The following SETX variants were observed in gnomAD, a reference collection of about 807,000 sequenced individuals.
SETX encodes senataxin.
SETX carries 90 observed loss-of-function variants against 227.2 expected under a neutral mutation model. That is an observed-to-expected ratio of 0.40 (90% CI 0.33 to 0.47). SETX has a LOEUF of 0.47. Among genes scored for constraint, SETX ranks in the 20% least tolerant of loss-of-function variants. The pLI is 0.91. For synonymous variants in SETX, 1,210 were observed against 1,113.2 expected (o/e 1.09, Z -1.73); for missense variants, 3,052 against 3,181.5 (o/e 0.96, Z 0.98).
chr9:132,284,481 ATCAGTTACTATTACCC>A (rs1226665128), intron 18 of SETX, among the ~76,000 whole-genome samples: 1 of 152,190 alleles, frequency 6.6e-6, no homozygotes, highest in Non-Finnish European at 1.5e-5. Context: ...TACTAACGTC[ATCAGTTACTATTACCC>A]TCTTTCCCTG....
chr9:132,301,344 C>T (rs1159476193), intron 11 of SETX, among the ~76,000 whole-genome samples: 1 of 152,062 alleles, frequency 6.6e-6, no homozygotes, highest in East Asian at 1.9e-4. Context: ...GCCTCAGCCT[C>T]CCAAAGTGCT....
chr9:132,314,292 A>G (rs1299575750), intron 10 of SETX, among the ~76,000 whole-genome samples: 1 of 152,020 alleles, frequency 6.6e-6, no homozygotes, highest in Non-Finnish European at 1.5e-5. Context: ...GAGTTTCTCC[A>G]TGGTCAGGCT....
At chr9:132,272,793 C>T (rs1347084699) in intron 23 of SETX, among the ~76,000 whole-genome samples, 1 of 152,200 alleles carries the variant, frequency 6.6e-6, no homozygotes, top group Admixed American at 6.5e-5. Flanking sequence ...CAAAGTTCAT[C>T]CATGTTGTAG....
Position 132,327,015 on chromosome 9 carries a change from G to GT in SETX, c.4582dup (p.Thr1528AsnfsTer3). The GT allele has an allele frequency of 6.2e-7, 1 of 1,614,112 alleles. No homozygotes were observed. Among genetic ancestry groups the GT allele is most frequent in the Non-Finnish European group, 8.5e-7 (1 of 1,180,016 alleles). On this transcript the variant is annotated frameshift_variant, in exon 10 of 26. Coordinates refer to ENST00000224140, the MANE Select transcript of SETX (RefSeq NM_015046.7). LOFTEE classifies it high-confidence loss of function. ...TACAGAATCTTCTTCAACCTCAACT[G>GT]TATCTTTTCCATGAATTAGTTCAAT... is the stretch of plus-strand genomic sequence containing the variant.
rs1336373691 is a variant in SETX at position 132,273,308 on chromosome 9, G to A, written c.7101-1500C>T. 3.9e-5 allele frequency among the ~76,000 whole-genome samples: 6 copies of A among 152,062 alleles called. No homozygotes were observed. In the East Asian group the frequency reaches 5.8e-4, roughly 15 times the overall value. On this transcript the variant is annotated intron_variant, in intron 23 of 25. Coordinates refer to ENST00000224140, the MANE Select transcript of SETX (RefSeq NM_015046.7). ...CTCCAGAGTAGTTGGGATTACAGGC[G>A]TGTGCCACCATGCCCAACTGATTTT...
Position 132,346,447 on chromosome 9 carries a change from G to T in SETX, c.202C>A (p.Arg68Ser). The T allele has an allele frequency of 6.2e-7, 1 of 1,612,134 alleles. No homozygotes were observed. The highest frequency in any genetic ancestry group is 8.5e-7 in the Non-Finnish European group (1 of 1,178,728). The change falls in exon 4 of 26, where the codon CGT becomes AGT. Residue 68 changes from arginine to serine, a missense_variant. Physicochemically the swap from Arg to Ser is moderately radical, Grantham distance 110. Coordinates refer to ENST00000224140, the MANE Select transcript of SETX (RefSeq NM_015046.7). ...HEVLWELETL[R>S]LINHFEKSMK... ...GATTTTTCAAAGTGATTTATGAGACGTAAGGTTTCTAATTCCCATAAAACC... is the reference window on the plus strand; with the variant it reads ...GATTTTTCAAAGTGATTTATGAGACTTAAGGTTTCTAATTCCCATAAAACC...
At chr9:132,278,429 C>T (rs1843295540) in intron 20 of SETX, among the ~76,000 whole-genome samples, 172 bp from the exon 21 acceptor site, 1 of 141,822 alleles carries the variant, frequency 7.1e-6, no homozygotes, top group African/African-American at 2.5e-5. Flanking sequence ...CCTCAAAATG[C>T]CATGAATCTT....
chr9:132,338,603 A>G (rs373887733), intron 5 of SETX, among the ~76,000 whole-genome samples: 14 of 152,218 alleles, frequency 9.2e-5, no homozygotes, highest in Non-Finnish European at 1.5e-4. Flanking sequence ...ATAAAATGGT[A>G]TATCATTGTG....
rs188265659 is a variant in SETX, at chr9:132,325,239, T to C, written c.5274+1085A>G. ...GCCGTGGTGGCGAGAGCCTATAGTCTCAGCTACTCGGGAGGCTGAGGCAGG... is the reference window on the plus strand; with the variant it reads ...GCCGTGGTGGCGAGAGCCTATAGTCCCAGCTACTCGGGAGGCTGAGGCAGG... On this transcript the variant is annotated intron_variant, in intron 10 of 25. Transcript: ENST00000224140. Among the ~76,000 whole-genome samples, 8 of 151,978 alleles carry C rather than the reference T, an allele frequency of 5.3e-5. No individual in the cohort carries two copies. In the East Asian group the frequency reaches 1.4e-3, roughly 26 times the overall value.
intron 14 of SETX, among the ~76,000 whole-genome samples, chr9:132,296,522 C>T (rs1358083619): frequency 6.6e-6 from 1 of 151,414 alleles, no homozygotes; most frequent in East Asian, 1.9e-4. Flanking sequence ...AAGATCGTGC[C>T]ACTGTACCCT....
At chr9:132,283,613 C>A (rs1843665171) in intron 18 of SETX, among the ~76,000 whole-genome samples, 200 bp from the exon 19 acceptor site, 1 of 152,152 alleles carries the variant, frequency 6.6e-6, no homozygotes, top group African/African-American at 2.4e-5. Flanking sequence ...AGAATGTGTG[C>A]TTCGCGGCTG....
At chr9:132,352,225 A>C (rs1000551415) in intron 2 of SETX, among the ~76,000 whole-genome samples, 1 of 152,200 alleles carries the variant, frequency 6.6e-6, no homozygotes, top group Non-Finnish European at 1.5e-5. Flanking sequence ...AGCATATGAA[A>C]ATGCTGCCCA....
intron 5 of SETX, among the ~76,000 whole-genome samples, chr9:132,341,530 C>T (rs1237827333): frequency 2.6e-5 from 4 of 152,168 alleles, no homozygotes; most frequent in South Asian, 2.1e-4. Flanking sequence ...ACTAGGTCTA[C>T]TATCAGCAGC....
At chr9:132,308,376 A>G (rs558485528) in intron 11 of SETX, among the ~76,000 whole-genome samples, 40 of 151,822 alleles carry the variant, frequency 2.6e-4, no homozygotes, top group African/African-American at 9.7e-4. Context: ...AGGGGATGCA[A>G]TATCAGCAAA....
intron 23 of SETX, among the ~76,000 whole-genome samples, chr9:132,273,918 C>T (rs1843020676): frequency 6.6e-6 from 1 of 151,618 alleles, no homozygotes; most frequent in Admixed American, 6.6e-5. Flanking sequence ...ATAACGTTAG[C>T]TATGAGTTTT....
intron 19 of SETX, chr9:132,282,899 T>C: frequency 3.1e-6 from 1 of 321,160 alleles, no homozygotes; most frequent in Non-Finnish European, 6.1e-6. Flanking sequence ...GCTCAAAGAG[T>C]GAACTAGGAA....
intron 19 of SETX, chr9:132,283,000 G>A (rs1281630154): frequency 1.0e-5 from 5 of 497,740 alleles, no homozygotes; most frequent in South Asian, 6.2e-5. Flanking sequence ...ATTCTAAGCA[G>A]GAGTGAGACA....
chr9:132,345,627 C>G (rs1848244197), intron 4 of SETX, among the ~76,000 whole-genome samples: 1 of 152,102 alleles, frequency 6.6e-6, no homozygotes, highest in South Asian at 2.1e-4. Flanking sequence ...CGTAATAAAG[C>G]AAATATAGCA....
intron 20 of SETX, among the ~76,000 whole-genome samples, 180 bp from the exon 21 acceptor site, chr9:132,278,437 CTTTTTTTTTTTTT>C (rs67558000): frequency 5.7e-4 from 48 of 84,870 alleles, no homozygotes; most frequent in Non-Finnish European, 9.2e-4. Context: ...TGCCATGAAT[CTTTTTTTTTTTTT>C]TTTTTTTTTT....
Sources: allele counts gnomAD v4.1 joint callset (sites outside exome capture counted in the v4.1 genomes callset), GRCh38; gene constraint gnomAD v4.1.1; transcripts MANE v1.5; gene names NCBI Gene and HGNC (gene_info 2026-07-23, HGNC 2026-07-21).